Variants in SLC8A3 observed in about 807,000 individuals in gnomAD.
The protein encoded by SLC8A3 is sodium/calcium exchanger 3.
A neutral mutation model predicts 65.4 loss-of-function variants in SLC8A3; 37 were observed. That is an observed-to-expected ratio of 0.57 (90% confidence interval 0.44 to 0.74). SLC8A3 has a LOEUF of 0.74. SLC8A3 is among the 30% of genes least tolerant of loss of function. The probability of loss-of-function intolerance (pLI) is 0.00; values close to 1 mark genes in which losing one functional copy is unlikely to be tolerated. For synonymous variants in SLC8A3, 461 were observed against 444.5 expected, an observed-to-expected ratio of 1.04 and a Z score of -0.47; for missense variants, 1,112 against 1,172.1, an observed-to-expected ratio of 0.95 and a Z score of 0.75.
In SLC8A3 at chr14:70,167,705, A is replaced by G; in HGVS notation, c.718T>C (p.Phe240Leu). ...GCCAGAAGGACACACACTGGAAAGA[A>G]GAAGAGAGTGAGGAGGCCTTCCCAA... ...QVWEGLLTLF[F>L]FPVCVLLAWV... is the part of the protein sequence containing the mutation. The change falls in exon 2 of 7, where the codon TTC becomes CTC. Residue 240 changes from phenylalanine to leucine, a missense_variant. Phe to Leu is a conservative substitution (Grantham distance 22, BLOSUM62 0). Transcript: ENST00000356921. The G allele has an allele frequency of 6.2e-7, 1 of 1,614,190 alleles. No homozygotes were observed. Among genetic ancestry groups the G allele is most frequent in the Non-Finnish European group, 8.5e-7 (1 of 1,180,032 alleles).
intron 2 of SLC8A3, among the ~76,000 whole-genome samples, chr14:70,127,337 T>C (rs1595032463): frequency 6.6e-6 from 1 of 152,192 alleles, no homozygotes; most frequent in Admixed American, 6.5e-5. Flanking sequence ...GGGCCCCATA[T>C]GCTGAGCAGG....
intron 2 of SLC8A3, among the ~76,000 whole-genome samples, chr14:70,109,856 G>T (rs1398784457): frequency 6.6e-6 from 1 of 152,144 alleles, no homozygotes; most frequent in East Asian, 1.9e-4. Flanking sequence ...TAATATCATG[G>T]ACAAATAAAT....
In SLC8A3 at chr14:70,046,165, C is replaced by A. The variant is rs369443101; in HGVS notation, c.2548G>T (p.Val850Leu). The change falls in exon 7 of 7, where the codon GTG becomes TTG. Residue 850 changes from valine to leucine, a missense_variant. Physicochemically the swap from Val to Leu is conservative, Grantham distance 32. Transcript: ENST00000356921. The surrounding 1 kb of genome is among the most constrained non-coding windows in gnomAD (Gnocchi z 4.2). ...YWALQGQEFH[V>L]SAGTLAFSVT... The stretch of plus-strand genomic sequence containing the variant: ...GAGAAGGCCAGTGTGCCGGCCGACA[C>A]GTGGAACTCCTGTCCCTGCAGAGCC... 4.8e-5 allele frequency: 78 copies of A among 1,614,064 alleles called. No individual in the cohort carries two copies. The East Asian group carries it at 1.7e-3, about 35-fold the overall frequency.
chr14:70,187,729 A>G (rs147348027), intron 1 of SLC8A3, among the ~76,000 whole-genome samples: 3,460 of 151,608 alleles, frequency 0.023, 99 homozygotes, highest in Admixed American at 0.078. Flanking sequence ...GCAGACCACC[A>G]GGGGCTGGAG....
intron 2 of SLC8A3, among the ~76,000 whole-genome samples, chr14:70,158,083 G>A (rs1475802441): frequency 1.3e-5 from 2 of 152,180 alleles, no homozygotes; most frequent in East Asian, 3.8e-4. Context: ...CTGAGTGCAA[G>A]GAGGAATGAA....
chr14:70,169,128 A>G (rs1365553057), intron 1 of SLC8A3, among the ~76,000 whole-genome samples: 1 of 152,184 alleles, frequency 6.6e-6, no homozygotes, highest in East Asian at 1.9e-4. Flanking sequence ...AATGCTTTAG[A>G]TCTCATCCAT....
At chr14:70,115,322 T>C (rs533577701) in intron 2 of SLC8A3, among the ~76,000 whole-genome samples, 2 of 152,206 alleles carry the variant, frequency 1.3e-5, no homozygotes, top group Non-Finnish European at 2.9e-5. Flanking sequence ...CTTCTTCTGA[T>C]AAAGTGCTAA....
intron 5 of SLC8A3, among the ~76,000 whole-genome samples, chr14:70,050,200 G>A (rs1162525925): frequency 6.6e-6 from 1 of 152,172 alleles, no homozygotes; most frequent in Non-Finnish European, 1.5e-5. Context: ...GCACAGTCAG[G>A]TCATCAGAGG....
intron 2 of SLC8A3, among the ~76,000 whole-genome samples, chr14:70,108,412 AAAG>A (rs1893028300): frequency 6.6e-6 from 1 of 151,836 alleles, no homozygotes; most frequent in Non-Finnish European, 1.5e-5. Flanking sequence ...AAAAAAAAAA[AAAG>A]AAAAATGAAA....
At chr14:70,080,053 C>G (rs1270273541) in intron 2 of SLC8A3, 5 of 979,368 alleles carry the variant, frequency 5.1e-6, no homozygotes, top group Non-Finnish European at 6.1e-6. Context: ...AAAGCACAGG[C>G]AGCAGGCTCA....
chr14:70,165,703 T>C (rs574951051), intron 2 of SLC8A3, among the ~76,000 whole-genome samples: 32 of 152,276 alleles, frequency 2.1e-4, no homozygotes, highest in African/African-American at 7.5e-4. Context: ...ATAACCAATT[T>C]GCAAGAGGGT....
At chr14:70,138,399 A>G (rs1453259791) in intron 2 of SLC8A3, among the ~76,000 whole-genome samples, 1 of 152,210 alleles carries the variant, frequency 6.6e-6, no homozygotes, top group Non-Finnish European at 1.5e-5. Context: ...AGAAAGAATA[A>G]ATTATTATGC....
At chr14:70,146,575 C>T (rs953158878) in intron 2 of SLC8A3, among the ~76,000 whole-genome samples, 1 of 151,976 alleles carries the variant, frequency 6.6e-6, no homozygotes, top group Non-Finnish European at 1.5e-5. Context: ...AAAAAATAAC[C>T]CTGCCTGGTA....
intron 2 of SLC8A3, among the ~76,000 whole-genome samples, chr14:70,151,528 T>C (rs1312630673): frequency 6.6e-6 from 1 of 152,240 alleles, no homozygotes; most frequent in Admixed American, 6.5e-5. Context: ...TGAGGGCAAG[T>C]AGCACAGAGG....
At chr14:70,084,041 T>A (rs1055558796) in intron 2 of SLC8A3, among the ~76,000 whole-genome samples, 5 of 152,346 alleles carry the variant, frequency 3.3e-5, no homozygotes, top group East Asian at 3.9e-4. Flanking sequence ...AAAGCACCTT[T>A]TTAAGCCTCT....
In SLC8A3 at chr14:70,068,882, A is replaced by G. The variant is rs948338014; in HGVS notation, c.1785-7943T>C. Among the ~76,000 whole-genome samples, 25 of 152,064 alleles carry G rather than the reference A, an allele frequency of 1.6e-4. No individual in the cohort carries two copies. In the East Asian group the frequency reaches 1.7e-3, roughly 11 times the overall value. On this transcript the variant is annotated intron_variant, in intron 2 of 6. Transcript: ENST00000356921. ...GCTAAGACTACAGGCACCTGCCACC[A>G]TGCCTGGCTAATTTTTGTATTTTTT...
intron 2 of SLC8A3, among the ~76,000 whole-genome samples, chr14:70,066,125 T>A (rs1014872401): frequency 6.6e-6 from 1 of 152,160 alleles, no homozygotes; most frequent in Non-Finnish European, 1.5e-5. Context: ...AGAACCACCA[T>A]CAGAGCAAGG....
chr14:70,055,506 C>T (rs1888005295), intron 3 of SLC8A3, among the ~76,000 whole-genome samples: 1 of 152,118 alleles, frequency 6.6e-6, no homozygotes. Flanking sequence ...AAGTCTATGA[C>T]CCACCATCTC....
chr14:70,184,883 T>C (rs1012983140), intron 1 of SLC8A3, among the ~76,000 whole-genome samples: 1 of 152,214 alleles, frequency 6.6e-6, no homozygotes, highest in African/African-American at 2.4e-5. Flanking sequence ...AATGTTTTTC[T>C]GAGCCTCAGC....
Sources: allele counts gnomAD v4.1 joint callset (sites outside exome capture counted in the v4.1 genomes callset), GRCh38; gene constraint gnomAD v4.1.1; non-coding constraint Gnocchi (gnomAD v3.1); transcripts MANE v1.5; gene names NCBI Gene and HGNC (gene_info 2026-07-23, HGNC 2026-07-21).